Variants in RAB1A observed in about 807,000 individuals in gnomAD.
RAB1A encodes RAB1A, member RAS oncogene family, also known as ras-related protein Rab-1A.
A neutral mutation model predicts 26.0 loss-of-function variants in RAB1A; 2 were observed. The observed-to-expected ratio is 0.08, with a 90% CI of 0.03 to 0.24. The LOEUF is 0.24. Among genes scored for constraint, RAB1A ranks in the 10% least tolerant of loss-of-function variants. RAB1A has a pLI of 1.00. For synonymous variants in RAB1A, 84 were observed against 84.9 expected (o/e 0.99, Z 0.06); for missense variants, 100 against 247.0 (o/e 0.40, Z 3.99).
chr2:65,121,073 T>C (rs1033114689), intron 1 of RAB1A, among the ~76,000 whole-genome samples: 2 of 151,554 alleles, frequency 1.3e-5, no homozygotes, highest in South Asian at 2.1e-4. Context: ...ATAGGCAACA[T>C]AGCGACATCT....
chr2:65,111,167 G>A (rs1286191095), intron 1 of RAB1A, among the ~76,000 whole-genome samples: 2 of 152,106 alleles, frequency 1.3e-5, no homozygotes, highest in Non-Finnish European at 2.9e-5. Flanking sequence ...CACGAGACCA[G>A]CCTGGGCAAC....
chr2:65,104,280 CA>C (rs1321887719), intron 2 of RAB1A, among the ~76,000 whole-genome samples: 2 of 152,014 alleles, frequency 1.3e-5, no homozygotes, highest in African/African-American at 4.8e-5. Flanking sequence ...AGGTTGGTCT[CA>C]AAACTCCTAG....
intron 1 of RAB1A, among the ~76,000 whole-genome samples, chr2:65,127,162 T>G (rs941005540): frequency 2.7e-5 from 4 of 150,586 alleles, no homozygotes; most frequent in African/African-American, 9.8e-5. Flanking sequence ...TCATTAGTCT[T>G]CAAAAGAAAG....
At chr2:65,122,974 CAAA>C (rs751246247) in intron 1 of RAB1A, among the ~76,000 whole-genome samples, 19 of 34,616 alleles carry the variant, frequency 5.5e-4, no homozygotes, top group Middle Eastern at 0.031. Flanking sequence ...CCGTCTCAGA[CAAA>C]AAAAAAAAAA....
chr2:65,122,912 A>T (rs968238190), intron 1 of RAB1A, among the ~76,000 whole-genome samples: 1 of 144,200 alleles, frequency 6.9e-6, no homozygotes. Flanking sequence ...CAGAGCTTGC[A>T]GTGAGCCCAG....
In RAB1A at chr2:65,108,245, C is replaced by G. The variant is rs558534734; in HGVS notation, c.24-3439G>C. 1.5e-4 allele frequency among the ~76,000 whole-genome samples: 22 copies of G among 150,490 alleles called. 1 individual carries two copies. The South Asian group carries it at 4.4e-3, about 30-fold the overall frequency. ...GGTGTGGTGGCAGGCGCCTGTAATC[C>G]CAGCTACTCGGGAGGCTGAGGCAGG... On this transcript the variant is annotated intron_variant, in intron 1 of 5. Coordinates refer to ENST00000409784, the MANE Select transcript of RAB1A (RefSeq NM_004161.5).
At chr2:65,118,234 T>C (rs1166558049) in intron 1 of RAB1A, among the ~76,000 whole-genome samples, 3 of 152,224 alleles carry the variant, frequency 2.0e-5, no homozygotes, top group Non-Finnish European at 4.4e-5. Context: ...ACAGAAATTA[T>C]AGGCCCCTTC....
chr2:65,122,155 CAAAAAAA>C (rs57590844), intron 1 of RAB1A, among the ~76,000 whole-genome samples: 4 of 31,710 alleles, frequency 1.3e-4, no homozygotes, highest in Non-Finnish European at 2.4e-4. Context: ...GACTCTATCT[CAAAAAAA>C]AAAAAAAAAA....
In RAB1A at chr2:65,087,839, TAAG is replaced by T. The variant is rs1483885463; in HGVS notation, c.*651_*653del. 6.6e-6 allele frequency: 1 copy of T among 152,670 alleles called. No individual in the cohort carries two copies. Among genetic ancestry groups the T allele is most frequent in the Admixed American group, 6.5e-5 (1 of 15,290 alleles). 9.5% of individuals were successfully genotyped at this position (152,670 alleles called of 1,614,324 possible). ...GCAAGGCTCTATTTCCCTTTAACCATAAGAATCAAAACAATACTTATCACCATA... is the reference window on the plus strand; with the variant it reads ...GCAAGGCTCTATTTCCCTTTAACCATAATCAAAACAATACTTATCACCATA... On this transcript the variant is annotated 3_prime_UTR_variant, in exon 6 of 6. Coordinates refer to ENST00000409784, the MANE Select transcript of RAB1A (RefSeq NM_004161.5).
intron 1 of RAB1A, among the ~76,000 whole-genome samples, chr2:65,124,601 C>T (rs1056070235): frequency 6.6e-6 from 1 of 152,092 alleles, no homozygotes; most frequent in Admixed American, 6.6e-5. Flanking sequence ...GCAGGCACGA[C>T]CACACCCAAT....
intron 3 of RAB1A, among the ~76,000 whole-genome samples, chr2:65,097,585 T>A (rs963143177): frequency 1.3e-5 from 2 of 152,184 alleles, no homozygotes; most frequent in Non-Finnish European, 2.9e-5. Flanking sequence ...GAGCCACATA[T>A]GAAGAATCTC....
chr2:65,095,754 G>A (rs1669268351), intron 3 of RAB1A, among the ~76,000 whole-genome samples: 1 of 151,688 alleles, frequency 6.6e-6, no homozygotes. Context: ...GCTCACGCCT[G>A]TAATCCCAGC....
chr2:65,120,767 A>G (rs1433941403), intron 1 of RAB1A, among the ~76,000 whole-genome samples: 1 of 152,218 alleles, frequency 6.6e-6, no homozygotes, highest in Non-Finnish European at 1.5e-5. Context: ...AAATCAAGAT[A>G]CCAGAAAATA....
intron 1 of RAB1A, among the ~76,000 whole-genome samples, chr2:65,128,422 G>A (rs1473755474): frequency 6.6e-6 from 1 of 151,930 alleles, no homozygotes; most frequent in African/African-American, 2.4e-5. Context: ...GTTCACCTCC[G>A]TTCAACTGTG....
intron 1 of RAB1A, among the ~76,000 whole-genome samples, chr2:65,121,934 G>A (rs1207016519): frequency 6.6e-6 from 1 of 152,038 alleles, no homozygotes; most frequent in Non-Finnish European, 1.5e-5. Context: ...CAAGGCAGGC[G>A]GATCACCTGA....
chr2:65,117,026 T>C (rs1327422433), intron 1 of RAB1A, among the ~76,000 whole-genome samples: 1 of 152,138 alleles, frequency 6.6e-6, no homozygotes, highest in African/African-American at 2.4e-5. Flanking sequence ...TTATAAATAA[T>C]ACATACCTCA....
chr2:65,103,299 C>CAAAAAAAAAAAAAAAAAAAAAA (rs1201745425), intron 2 of RAB1A, among the ~76,000 whole-genome samples: 30 of 44,098 alleles, frequency 6.8e-4, no homozygotes, highest in Non-Finnish European at 8.2e-4. Context: ...GAATCTGTCT[C>CAAAAAAAAAAAAAAAAAAAAAA]AAAAAAAAAA....
At position 65,103,299 on chromosome 2, in the gene RAB1A, C is replaced by CAAAAAAAAAAAAAAAAAAAAAAAAAAA. The variant is rs1201745425; in HGVS notation, c.96+1434_96+1435insTTTTTTTTTTTTTTTTTTTTTTTTTTT. 1.6e-3 allele frequency among the ~76,000 whole-genome samples: 71 copies of CAAAAAAAAAAAAAAAAAAAAAAAAAAA among 44,090 alleles called. 1 individual carries two copies. The highest frequency in any genetic ancestry group is 2.3e-3 in the Non-Finnish European group (50 of 21,888). The allele number at this position is 44,090 out of a possible 152,430, so 28.9% of individuals were successfully genotyped here. A position where few individuals can be genotyped will look rare whatever the true frequency, so the allele number is the denominator to read the frequency against. On this transcript the variant is annotated intron_variant, in intron 2 of 5. Coordinates refer to ENST00000409784, the MANE Select transcript of RAB1A (RefSeq NM_004161.5). ...TTGGCAACACAGCCAGAATCTGTCTCAAAAAAAAAAAAAAACATTGTTTTA... is the reference window on the plus strand; with the variant it reads ...TTGGCAACACAGCCAGAATCTGTCTCAAAAAAAAAAAAAAAAAAAAAAAAAAAAAAAAAAAAAAAAAACATTGTTTTA...
chr2:65,119,557 T>A (rs1314524033), intron 1 of RAB1A, among the ~76,000 whole-genome samples: 1 of 76,792 alleles, frequency 1.3e-5, no homozygotes, highest in East Asian at 3.5e-4. Context: ...CTAGACTCTG[T>A]CTCAAAAAAA....
Sources: gnomAD v4.1 joint callset for allele counts (sites outside exome capture counted in the v4.1 genomes callset) on GRCh38, gnomAD v4.1.1 for gene constraint, MANE v1.5 for transcripts, NCBI Gene and HGNC (gene_info 2026-07-23, HGNC 2026-07-21) for gene names.